Variants in KCNV2 observed in about 807,000 individuals in gnomAD.
The protein encoded by KCNV2 is potassium voltage-gated channel subfamily V member 2.
KCNV2 carries 65 observed loss-of-function variants against 37.0 expected under a neutral mutation model. The ratio of observed to expected loss-of-function variants is 1.76; its 90% CI spans 1.44 to 2.16. The LOEUF is 2.16. KCNV2 is among the 30% of genes most tolerant of loss of function. The pLI, the probability that KCNV2 is intolerant of heterozygous loss-of-function variation, is 0.00. For synonymous variants in KCNV2, 518 were observed against 328.6 expected (o/e 1.58, Z -6.23); for missense variants, 1,232 against 766.7 (o/e 1.61, Z -7.17).
At chr9:2,720,139 A>T (rs538517077) in intron 1 of KCNV2, among the ~76,000 whole-genome samples, 1 of 152,256 alleles carries the variant, frequency 6.6e-6, no homozygotes. Context: ...CAGAAAGTAG[A>T]TATTTTCAAC....
rs748514014 is a variant in KCNV2, at chr9:2,718,901, C to G, written c.1162C>G (p.Leu388Val). Reference protein sequence around the residue: ...VMRLMRIFRILKLARHSTGLR... With the variant: ...VMRLMRIFRIVKLARHSTGLR... ...GCGCCTCATGCGCATCTTCCGCATC[C>G]TCAAGCTGGCGCGCCACTCCACCGG... The change falls in exon 1 of 2, where the codon CTC becomes GTC. Residue 388 changes from leucine (L) to valine (V), a missense_variant. Physicochemically the swap from Leu to Val is conservative, Grantham distance 32 (BLOSUM62 1). Coordinates refer to ENST00000382082, the MANE Select transcript of KCNV2 (RefSeq NM_133497.4). The G allele has an allele frequency of 3.9e-5, 62 of 1,608,990 alleles. No individual in the cohort carries two copies. In the South Asian group the frequency reaches 6.0e-4, roughly 16 times the overall value.
rs751274302 is a variant in KCNV2 at position 2,718,135 on chromosome 9, C to T, written c.396C>T (p.Arg132=). The stretch of plus-strand genomic sequence containing the variant: ...GTCGCCTGGCCACCTCCACCAGCCG[C>T]AGCCGCCAGCTAAGCCTGTGCGACG... ...RLGRLATSTS[R]SRQLSLCDDY... The change falls in exon 1 of 2, where the codon CGC becomes CGT. Residue 132 remains arginine (R), a synonymous_variant. Transcript: ENST00000382082. The T allele has an allele frequency of 1.2e-6, 2 of 1,608,682 alleles. No individual in the cohort carries two copies. The highest frequency in any genetic ancestry group is 2.2e-5 in the East Asian group (1 of 44,686).
chr9:2,724,532 T>C (rs1345212351), intron 1 of KCNV2, among the ~76,000 whole-genome samples: 1 of 152,200 alleles, frequency 6.6e-6, no homozygotes, highest in Non-Finnish European at 1.5e-5. Context: ...GGAGTAGCTA[T>C]TGGCCCTAGA....
intron 1 of KCNV2, 116 bp downstream of exon 1, chr9:2,719,211 C>T (rs182424197): frequency 7.0e-6 from 8 of 1,140,056 alleles, no homozygotes; most frequent in African/African-American, 6.1e-5. Context: ...TTCCCCCCCA[C>T]CCCCAATCGC....
intron 1 of KCNV2, among the ~76,000 whole-genome samples, chr9:2,728,397 C>T (rs1481665184): frequency 6.6e-6 from 1 of 152,194 alleles, no homozygotes; most frequent in East Asian, 1.9e-4. Flanking sequence ...TTAGCCAATA[C>T]TCTGGGGATC....
rs1755070101 is a variant in KCNV2, at chr9:2,727,529, G to C, written c.1357-1917G>C. ...CATCACCCCTTGGTCCAGAAGTTGG[G>C]AGAAGGATATTCTCTACTGGAGCCA... is the stretch of plus-strand genomic sequence containing the variant. On this transcript the variant is annotated intron_variant, in intron 1 of 1. Transcript: ENST00000382082. Among the ~76,000 whole-genome samples, 3 of 152,108 alleles carry C rather than the reference G, an allele frequency of 2.0e-5. No homozygotes were observed. The South Asian group carries it at 6.2e-4, about 32-fold the overall frequency.
At chr9:2,721,071 T>C (rs897061032) in intron 1 of KCNV2, among the ~76,000 whole-genome samples, 2 of 152,200 alleles carry the variant, frequency 1.3e-5, no homozygotes, top group Non-Finnish European at 2.9e-5. Context: ...ATCACCAGTT[T>C]TTGCCAATCA....
intron 1 of KCNV2, among the ~76,000 whole-genome samples, chr9:2,725,656 A>G (rs1178491989): frequency 6.6e-6 from 1 of 152,208 alleles, no homozygotes; most frequent in Non-Finnish European, 1.5e-5. Flanking sequence ...AATTTTATCC[A>G]AAAAAGATCC....
At chr9:2,722,943 A>T (rs1819905950) in intron 1 of KCNV2, among the ~76,000 whole-genome samples, 1 of 152,250 alleles carries the variant, frequency 6.6e-6, no homozygotes, top group Admixed American at 6.5e-5. Context: ...ACACTTCATA[A>T]GTTTCTTTTC....
chr9:2,720,860 A>G (rs1306954213), intron 1 of KCNV2, among the ~76,000 whole-genome samples: 2 of 152,228 alleles, frequency 1.3e-5, no homozygotes, highest in African/African-American at 4.8e-5. Flanking sequence ...TTTAATTAAA[A>G]TAAAACACAT....
chr9:2,725,604 AGCT>A (rs1444445164), intron 1 of KCNV2, among the ~76,000 whole-genome samples: 3 of 152,248 alleles, frequency 2.0e-5, no homozygotes, highest in Admixed American at 2.0e-4. Context: ...CAGCCTTTGA[AGCT>A]GGATCCTTTG....
rs1586693056 is a variant in KCNV2 at position 2,729,804 on chromosome 9, G to C, written c.*77G>C. On this transcript the variant is annotated 3_prime_UTR_variant, in exon 2 of 2. Coordinates refer to ENST00000382082, the MANE Select transcript of KCNV2 (RefSeq NM_133497.4). ...GCTCTTTTTTTAATCATTATGATTG[G>C]CAGCAAAAGGAAATGTGAAGCAGAC... 2 of 1,461,844 alleles carry C rather than the reference G, an allele frequency of 1.4e-6. No individual in the cohort carries two copies. Among genetic ancestry groups the C allele is most frequent in the African/African-American group, 2.8e-5 (2 of 71,334 alleles). The allele number at this position is 1,461,844 out of a possible 1,614,324, so 90.6% of individuals were successfully genotyped here.
chr9:2,722,231 A>T (rs896250761), intron 1 of KCNV2, among the ~76,000 whole-genome samples: 2 of 142,818 alleles, frequency 1.4e-5, no homozygotes, highest in African/African-American at 5.2e-5. Context: ...TTATTTATTT[A>T]TAAATAAATT....
chr9:2,719,891 C>T (rs1751264659), intron 1 of KCNV2, among the ~76,000 whole-genome samples: 1 of 152,192 alleles, frequency 6.6e-6, no homozygotes, highest in Admixed American at 6.5e-5. Context: ...TATTTTTTGT[C>T]ATTGTTTTCT....
chr9:2,720,149 C>T (rs1318492344), intron 1 of KCNV2, among the ~76,000 whole-genome samples: 1 of 152,210 alleles, frequency 6.6e-6, no homozygotes, highest in African/African-American at 2.4e-5. Flanking sequence ...ATATTTTCAA[C>T]ATTGTGTATG....
At position 2,729,877 on chromosome 9, in the gene KCNV2, C is replaced by A; in HGVS notation, c.*150C>A. The A allele has an allele frequency of 1.3e-6, 1 of 769,896 alleles. No individual in the cohort carries two copies. The highest frequency in any genetic ancestry group is 2.1e-6 in the Non-Finnish European group (1 of 467,000). The allele number at this position is 769,896 out of a possible 1,614,324, so 47.7% of individuals were successfully genotyped here. On this transcript the variant is annotated 3_prime_UTR_variant, in exon 2 of 2. Coordinates refer to ENST00000382082, the MANE Select transcript of KCNV2 (RefSeq NM_133497.4). ...ACAAAGTACTGCCTCTAGAAATACT[C>A]ATTTTGGCCCAAACTCAGAATGTCT...
rs755998410 is a variant in KCNV2, at chr9:2,718,391, C to G, written c.652C>G (p.His218Asp). The part of the protein sequence containing the change: ...DELSERLKIQ[H>D]ELRAQAQVEE... Reference sequence around the variant, plus strand: ...GCTGAGCGAACGGCTCAAGATCCAGCACGAGCTGCGCGCGCAGGCGCAGGT... The same window carrying G: ...GCTGAGCGAACGGCTCAAGATCCAGGACGAGCTGCGCGCGCAGGCGCAGGT... The change falls in exon 1 of 2, where the codon CAC (histidine) becomes GAC (aspartate). Residue 218 changes from histidine to aspartate, a missense_variant. By Grantham distance (81) the His-to-Asp change is moderately conservative. Transcript: ENST00000382082. 12 of 1,601,142 alleles carry G rather than the reference C, an allele frequency of 7.5e-6. No homozygotes were observed. Among genetic ancestry groups the G allele is most frequent in the Admixed American group, 5.2e-5 (3 of 57,908 alleles).
Position 2,718,710 on chromosome 9 carries a change from C to T in KCNV2, c.971C>T (p.Thr324Met), listed in dbSNP as rs376858051. ...TLEYLLRLAS[T>M]PDLRRFARSA... ...GAGTACCTGCTGCGCCTAGCCTCCA[C>T]GCCCGACCTGAGGCGCTTCGCGCGC... Residue 324 changes from threonine (T) to methionine (M), a missense_variant, in exon 1 of 2, where the codon ACG (threonine) becomes ATG (methionine). Transcript: ENST00000382082. 3 of 1,613,124 alleles carry T rather than the reference C, an allele frequency of 1.9e-6. No individual in the cohort carries two copies. The highest frequency in any genetic ancestry group is 2.2e-5 in the South Asian group (2 of 91,088).
At chr9:2,725,638 C>T (rs1377948828) in intron 1 of KCNV2, among the ~76,000 whole-genome samples, 1 of 152,194 alleles carries the variant, frequency 6.6e-6, no homozygotes, top group Non-Finnish European at 1.5e-5. Flanking sequence ...CGTATTGAGG[C>T]TTATAATAAT....
Sources: allele counts gnomAD v4.1 joint callset (sites outside exome capture counted in the v4.1 genomes callset), GRCh38; gene constraint gnomAD v4.1.1; transcripts MANE v1.5; gene names NCBI Gene and HGNC (gene_info 2026-07-23, HGNC 2026-07-21).